COX18: variants seen among roughly 807,000 people sequenced by gnomAD.
The protein encoded by COX18 is cytochrome c oxidase assembly protein COX18, mitochondrial.
COX18 carries 45 observed loss-of-function variants against 38.0 expected under a neutral mutation model. The ratio of observed to expected loss-of-function variants is 1.18; its 90% CI spans 0.93 to 1.52. The LOEUF (loss-of-function observed/expected upper bound fraction) is 1.52. COX18 is among the 40% of genes most tolerant of loss of function. The probability of loss-of-function intolerance (pLI) is 0.00; values close to 1 mark genes in which losing one functional copy is unlikely to be tolerated. For synonymous variants in COX18, 177 were observed against 169.8 expected (o/e 1.04, Z -0.33); for missense variants, 462 against 423.8 (o/e 1.09, Z -0.79).
intron 5 of COX18, among the ~76,000 whole-genome samples, chr4:73,059,946 GTGAGGGGTGGTCATAAAAC>G (rs1303575853): frequency 1.3e-5 from 2 of 151,638 alleles, no homozygotes; most frequent in Non-Finnish European, 2.9e-5. Flanking sequence ...CTCTTCTGCA[GTGAGGGGTGGTCATAAAAC>G]TAAGATGTTA....
chr4:73,066,831 G>C (rs1266889174), intron 2 of COX18, among the ~76,000 whole-genome samples: 1 of 152,134 alleles, frequency 6.6e-6, no homozygotes, highest in Non-Finnish European at 1.5e-5. Context: ...TAAAATGTCA[G>C]ATCTTTTTAA....
chr4:73,068,232 T>C lies in COX18; in HGVS notation c.334-103A>G. ...CCTCGAGTCATTTAAAAATGTAGTT[T>C]ACTGATCATATCAAGAAATCTTAAT... On this transcript the variant is annotated intron_variant, in intron 1 of 5. Coordinates refer to ENST00000507544, the MANE Select transcript of COX18 (RefSeq NM_001297732.2). 6 of 687,334 alleles carry C rather than the reference T, an allele frequency of 8.7e-6. No individual in the cohort carries two copies. In the South Asian group the frequency reaches 1.1e-4, roughly 13 times the overall value. 42.6% of individuals were successfully genotyped at this position (687,334 alleles called of 1,614,324 possible).
At chr4:73,060,110 G>A (rs1284924823) in intron 5 of COX18, among the ~76,000 whole-genome samples, 1 of 152,184 alleles carries the variant, frequency 6.6e-6, no homozygotes, top group Non-Finnish European at 1.5e-5. Context: ...ATCACAGGCT[G>A]TGGATAACAA....
chr4:73,067,793 A>G (rs1720520282), intron 2 of COX18, among the ~76,000 whole-genome samples: 1 of 134,922 alleles, frequency 7.4e-6, no homozygotes, highest in Admixed American at 7.9e-5. Flanking sequence ...ATGAGCCGAG[A>G]TCACACCATT....
intron 4 of COX18, among the ~76,000 whole-genome samples, chr4:73,062,410 G>A (rs1357576434): frequency 1.3e-5 from 2 of 151,348 alleles, no homozygotes; most frequent in African/African-American, 2.4e-5. Context: ...ATTCTTAAAC[G>A]GAGGTTTTTT....
chr4:73,060,743 G>C (rs1280957256), intron 5 of COX18, among the ~76,000 whole-genome samples: 1 of 152,000 alleles, frequency 6.6e-6, no homozygotes, highest in Non-Finnish European at 1.5e-5. Flanking sequence ...AGCCAAGTGT[G>C]GTGGCGTGTG....
chr4:73,067,886 A>T (rs76503090), intron 2 of COX18, 143 bp downstream of exon 2: 13,384 of 43,654 alleles, frequency 0.31, 2,557 homozygotes, highest in South Asian at 0.4. Context: ...TATATATATA[A>T]AAAAAGAAAT....
intron 1 of COX18, 115 bp from the exon 2 acceptor site, chr4:73,068,244 C>A: frequency 1.5e-6 from 1 of 649,276 alleles, no homozygotes. Flanking sequence ...CTGATCATAT[C>A]AAGAAATCTT....
rs769183596 is a variant in COX18, at chr4:73,064,882, G to A, written c.619C>T (p.Gln207Ter). ...HSEAGFSVQE[Q>*]LATGGILWFP... The stretch of plus-strand genomic sequence containing the variant: ...CACAGAATTCCACCAGTAGCTAACT[G>A]TTCCTGAACAGAAAAACCTGCTAAA... The change falls in exon 4 of 6, where the codon CAG becomes TAG. Residue 207 changes from glutamine (Q) to a stop codon, truncating the protein, a stop_gained. Transcript: ENST00000507544. LOFTEE classifies it high-confidence loss of function. The A allele has an allele frequency of 6.2e-7, 1 of 1,613,842 alleles. No homozygotes were observed. The highest frequency in any genetic ancestry group is 8.5e-7 in the Non-Finnish European group (1 of 1,179,828).
chr4:73,065,105 C>CT, intron 3 of COX18, 145 bp downstream of exon 3: 1 of 933,324 alleles, frequency 1.1e-6, no homozygotes, highest in Non-Finnish European at 1.6e-6. Context: ...TCTGTTTACA[C>CT]TTAAGACTTT....
rs1248076821 is a variant in COX18 at position 73,069,380 on chromosome 4, G to A, written c.270C>T (p.Thr90=). ...LPWWGSILLS[T]VALRGAVTLP... is the part of the protein sequence containing the mutation. ...GCGTGACAGCACCCCGTAAGGCCACGGTGGAGAGCAGAATGCTGCCCCACC... is the reference window on the plus strand; with the variant it reads ...GCGTGACAGCACCCCGTAAGGCCACAGTGGAGAGCAGAATGCTGCCCCACC... Residue 90 remains threonine (T), a synonymous_variant, in exon 1 of 6, where the codon ACC becomes ACT. Transcript: ENST00000507544. 5 of 1,561,000 alleles carry A rather than the reference G, an allele frequency of 3.2e-6. No individual in the cohort carries two copies. The highest frequency in any genetic ancestry group is 4.3e-6 in the Non-Finnish European group (5 of 1,153,508).
At chr4:73,059,137 T>C (rs1320385069) in intron 5 of COX18, among the ~76,000 whole-genome samples, 1 of 152,142 alleles carries the variant, frequency 6.6e-6, no homozygotes, top group Non-Finnish European at 1.5e-5. Context: ...TGACCATTTA[T>C]TTAGGTCAAT....
In COX18 at chr4:73,055,487, A is replaced by G. The variant is rs1353683143; in HGVS notation, c.*2627T>C. ...AGCATTATAACTTGTGCATGAATGA[A>G]GCTTATCTAATATACTTATTTTCTC... On this transcript the variant is annotated 3_prime_UTR_variant, in exon 6 of 6. Transcript: ENST00000507544. 6.6e-6 allele frequency: 1 copy of G among 152,210 alleles called. No individual in the cohort carries two copies. Among genetic ancestry groups the G allele is most frequent in the African/African-American group, 2.4e-5 (1 of 41,452 alleles). 9.4% of individuals were successfully genotyped at this position (152,210 alleles called of 1,614,324 possible). A position where few individuals can be genotyped will look rare whatever the true frequency, so the allele number is the denominator to read the frequency against.
chr4:73,064,647 C>T, intron 4 of COX18, 131 bp downstream of exon 4: 1 of 1,055,674 alleles, frequency 9.5e-7, no homozygotes, highest in East Asian at 2.9e-5. Context: ...GACGTGGAAC[C>T]AGGAACCAAG....
rs1719810630 is a variant in COX18, at chr4:73,054,034, G to A, written c.*4080C>T. 6.6e-6 allele frequency: 1 copy of A among 152,192 alleles called. No individual in the cohort carries two copies. Among genetic ancestry groups the A allele is most frequent in the Admixed American group, 6.5e-5 (1 of 15,286 alleles). 9.4% of individuals were successfully genotyped at this position (152,192 alleles called of 1,614,324 possible). On this transcript the variant is annotated 3_prime_UTR_variant, in exon 6 of 6. Transcript: ENST00000507544. ...GTGAATCTGGCCTAGAGACAAAAAT[G>A]AGACCCACAGGAAAAACAGATCTCC...
At chr4:73,065,196 T>TTATTAAAA in intron 3 of COX18, 54 bp downstream of exon 3, 1 of 1,183,496 alleles carries the variant, frequency 8.4e-7, no homozygotes, top group Non-Finnish European at 1.2e-6. Flanking sequence ...TTTTTTTTTT[T>TTATTAAAA]AGTACAAAGA....
chr4:73,068,900 C>T (rs1295711446), intron 1 of COX18, among the ~76,000 whole-genome samples: 1 of 152,152 alleles, frequency 6.6e-6, no homozygotes, highest in East Asian at 1.9e-4. Flanking sequence ...GTAGTTTCTT[C>T]CTAATAAGAA....
rs1719878446 is a variant in COX18 at position 73,056,089 on chromosome 4, C to T, written c.*2025G>A. 1 of 152,052 alleles carries T rather than the reference C, an allele frequency of 6.6e-6. No homozygotes were observed. Among genetic ancestry groups the T allele is most frequent in the Non-Finnish European group, 1.5e-5 (1 of 67,994 alleles). 9.4% of individuals were successfully genotyped at this position (152,052 alleles called of 1,614,324 possible). ...TCAAAGAAATGACTAATGAATTTCA[C>T]TTTAGTTTTTATTTTATTGTAAAAC... is the stretch of plus-strand genomic sequence containing the variant. On this transcript the variant is annotated 3_prime_UTR_variant, in exon 6 of 6. Coordinates refer to ENST00000507544, the MANE Select transcript of COX18 (RefSeq NM_001297732.2).
Position 73,069,631 on chromosome 4 carries a change from C to G in COX18, c.19G>C (p.Gly7Arg). ...GCAGGGAGCGGCCGCAGCCACCGAC[C>G]GCCGAGCCGGCACAGCATTTCTGCA... Reference protein sequence around the residue: MLCRLGGRWLRPLPALQ... With the variant: MLCRLGRRWLRPLPALQ... Residue 7 changes from glycine to arginine, a missense_variant, in exon 1 of 6, where the codon GGT (glycine) becomes CGT (arginine). Gly to Arg is a moderately radical substitution (Grantham distance 125, BLOSUM62 -2). Transcript: ENST00000507544. 6.5e-7 allele frequency: 1 copy of G among 1,549,418 alleles called. No individual in the cohort carries two copies. Among genetic ancestry groups the G allele is most frequent in the South Asian group, 1.2e-5 (1 of 85,134 alleles).
Sources: gnomAD v4.1 joint callset for allele counts (sites outside exome capture counted in the v4.1 genomes callset) on GRCh38, gnomAD v4.1.1 for gene constraint, MANE v1.5 for transcripts, NCBI Gene and HGNC (gene_info 2026-07-23, HGNC 2026-07-21) for gene names.